The following ANKRD62 variants were observed in gnomAD, a reference collection of about 807,000 sequenced individuals.
The protein encoded by ANKRD62 is ankyrin repeat domain 62.
ANKRD62 carries 61 observed loss-of-function variants against 98.8 expected under a neutral mutation model. The observed-to-expected ratio is 0.62, with a 90% CI of 0.50 to 0.76. The LOEUF (loss-of-function observed/expected upper bound fraction) is 0.76, where lower values mean the gene tolerates loss of function less well. Among genes scored for constraint, ANKRD62 ranks in the 30% least tolerant of loss-of-function variants. The probability of loss-of-function intolerance (pLI) is 0.00; values close to 1 mark genes in which losing one functional copy is unlikely to be tolerated. For synonymous variants in ANKRD62, 341 were observed against 367.9 expected, an observed-to-expected ratio of 0.93 and a Z score of 0.84; for missense variants, 933 against 1,082.9, an observed-to-expected ratio of 0.86 and a Z score of 1.94.
At chr18:12,127,680 A>T in intron 13 of ANKRD62, 68 bp from the exon 14 acceptor site, 1 of 1,218,714 alleles carries the variant, frequency 8.2e-7, no homozygotes, top group Non-Finnish European at 1.1e-6. Flanking sequence ...TATTAGAGTT[A>T]AATATTATTA....
the ANKRD62 span, among the ~76,000 whole-genome samples, chr18:12,140,364 G>A: frequency 6.6e-6 from 1 of 152,134 alleles, no homozygotes; most frequent in South Asian, 2.1e-4. Context: ...GTCAATCTGT[G>A]TCCAGCTTTG....
chr18:12,101,590 A>G (rs1568058971), intron 6 of ANKRD62, among the ~76,000 whole-genome samples: 1 of 152,230 alleles, frequency 6.6e-6, no homozygotes, highest in Non-Finnish European at 1.5e-5. Context: ...CGATGTTTTT[A>G]TTCATGAATT....
the ANKRD62 span, among the ~76,000 whole-genome samples, chr18:12,140,500 G>A: frequency 6.6e-6 from 1 of 152,268 alleles, no homozygotes; most frequent in Non-Finnish European, 1.5e-5. Flanking sequence ...GGTCTTTGAC[G>A]ATGGTGACGT....
intron 6 of ANKRD62, among the ~76,000 whole-genome samples, chr18:12,100,415 T>A (rs986705805): frequency 1.3e-5 from 2 of 152,168 alleles, no homozygotes; most frequent in Non-Finnish European, 2.9e-5. Flanking sequence ...AGAGGGAGAT[T>A]GATCTTGCCA....
chr18:12,103,261 T>G, intron 7 of ANKRD62, 33 bp downstream of exon 7: 1 of 1,284,840 alleles, frequency 7.8e-7, no homozygotes, highest in Non-Finnish European at 1.0e-6. Flanking sequence ...ATTTCTGGTT[T>G]TCTTTGGTAA....
the ANKRD62 span, among the ~76,000 whole-genome samples, chr18:12,160,289 T>C: frequency 6.6e-6 from 1 of 152,136 alleles, no homozygotes; most frequent in Admixed American, 6.5e-5. Context: ...TCTTAAACAA[T>C]GTGTGTGTGT....
At chr18:12,152,596 C>T in the ANKRD62 span, among the ~76,000 whole-genome samples, 1 of 152,138 alleles carries the variant, frequency 6.6e-6, no homozygotes, top group East Asian at 1.9e-4. Context: ...ATAATAAGAG[C>T]TATTCATGAC....
the ANKRD62 span, among the ~76,000 whole-genome samples, chr18:12,163,245 G>T: frequency 1.3e-5 from 2 of 151,924 alleles, no homozygotes; most frequent in South Asian, 4.1e-4. Context: ...TCCTAGGTAT[G>T]TAATTTTATT....
the ANKRD62 span, among the ~76,000 whole-genome samples, chr18:12,164,736 TG>T: frequency 6.6e-6 from 1 of 151,982 alleles, no homozygotes; most frequent in Non-Finnish European, 1.5e-5. Flanking sequence ...ATTTCTTCAT[TG>T]ACCCACTGGT....
At chr18:12,113,427 A>C (rs919078833) in intron 8 of ANKRD62, among the ~76,000 whole-genome samples, 1 of 152,080 alleles carries the variant, frequency 6.6e-6, no homozygotes, top group African/African-American at 2.4e-5. Flanking sequence ...GGAGTTTGAG[A>C]CCAGCCTGAC....
chr18:12,135,020 C>T, the ANKRD62 span, among the ~76,000 whole-genome samples: 7 of 151,818 alleles, frequency 4.6e-5, no homozygotes, highest in Non-Finnish European at 1.0e-4. Flanking sequence ...TTTTCCACAT[C>T]CTCTCCAGCA....
At chr18:12,157,508 G>A in the ANKRD62 span, among the ~76,000 whole-genome samples, 3 of 152,028 alleles carry the variant, frequency 2.0e-5, no homozygotes, top group African/African-American at 7.2e-5. Context: ...ACTAGACTGT[G>A]TTGTAATATT....
At chr18:12,164,557 CT>C in the ANKRD62 span, among the ~76,000 whole-genome samples, 8 of 151,754 alleles carry the variant, frequency 5.3e-5, no homozygotes, top group African/African-American at 1.7e-4. Flanking sequence ...TTTTCCAGTT[CT>C]TTAAGATGCA....
intron 7 of ANKRD62, among the ~76,000 whole-genome samples, 185 bp downstream of exon 7, chr18:12,103,413 T>C (rs1909349075): frequency 1.3e-5 from 2 of 152,196 alleles, no homozygotes; most frequent in Admixed American, 1.3e-4. Flanking sequence ...TTACAGCTAA[T>C]ATTACCCTTG....
In ANKRD62 at chr18:12,126,129, C is replaced by T; in HGVS notation, c.2308C>T (p.Gln770Ter). ...TTTGGAAAAATACGTGAGAAAGCAG[C>T]AATCTGTAGAGGATGGACTATTTCA... The part of the protein sequence containing the change: ...PILEKYVRKQ[Q>*]SVEDGLFQLQ... The change falls in exon 13 of 14, where the codon CAA becomes TAA. Residue 770 changes from glutamine (Q) to a stop codon, truncating the protein, a stop_gained. Coordinates refer to ENST00000587848, the MANE Select transcript of ANKRD62 (RefSeq NM_001277333.2). LOFTEE classifies it high-confidence loss of function. 1 of 1,536,098 alleles carries T rather than the reference C, an allele frequency of 6.5e-7. No homozygotes were observed. Among genetic ancestry groups the T allele is most frequent in the South Asian group, 1.2e-5 (1 of 84,062 alleles).
chr18:12,103,155 C>G lies in ANKRD62; in HGVS notation c.821-3C>G. 7.3e-7 allele frequency: 1 copy of G among 1,369,772 alleles called. No homozygotes were observed. The highest frequency in any genetic ancestry group is 9.5e-7 in the Non-Finnish European group (1 of 1,053,124). 84.9% of individuals were successfully genotyped at this position (1,369,772 alleles called of 1,614,324 possible). A position where few individuals can be genotyped will look rare whatever the true frequency, so the allele number is the denominator to read the frequency against. ...TTAACTAAATATATGGATTTGTGAG[C>G]AGAACAAGACTTAGAAATGACATCA... On this transcript the variant is annotated splice_polypyrimidine_tract_variant and splice_region_variant and intron_variant, in intron 6 of 13. Transcript: ENST00000587848.
chr18:12,125,321 T>G, intron 12 of ANKRD62, 139 bp from the exon 13 acceptor site: 1 of 773,394 alleles, frequency 1.3e-6, no homozygotes. Context: ...TTGATTCAAC[T>G]TTTTTTTTCC....
chr18:12,168,121 A>T, the ANKRD62 span, among the ~76,000 whole-genome samples: 1 of 152,086 alleles, frequency 6.6e-6, no homozygotes, highest in East Asian at 1.9e-4. Context: ...TTTGCTGTGG[A>T]GAAGCTCTTT....
At chr18:12,095,317 T>C in intron 2 of ANKRD62, 32 bp downstream of exon 2, 1 of 1,533,982 alleles carries the variant, frequency 6.5e-7, no homozygotes, top group East Asian at 2.5e-5. Context: ...CAGCATGGGA[T>C]GGATTTAATT....
Sources: allele counts gnomAD v4.1 joint callset (sites outside exome capture counted in the v4.1 genomes callset), GRCh38; gene constraint gnomAD v4.1.1; transcripts MANE v1.5; gene names NCBI Gene and HGNC (gene_info 2026-07-23, HGNC 2026-07-21).